The following PDE8A variants were observed in gnomAD, a reference collection of about 807,000 sequenced individuals.
PDE8A encodes high affinity cAMP-specific and IBMX-insensitive 3',5'-cyclic phosphodiesterase 8A.
A neutral mutation model predicts 105.0 loss-of-function variants in PDE8A; 59 were observed. That is an observed-to-expected ratio of 0.56 (90% CI 0.46 to 0.70). The LOEUF (loss-of-function observed/expected upper bound fraction) is 0.70, where lower values mean the gene tolerates loss of function less well. PDE8A is among the 30% of genes least tolerant of loss of function. PDE8A has a pLI of 0.00. For missense variants in PDE8A, 1,014 were observed against 1,045.9 expected (o/e 0.97, Z 0.42); for synonymous variants, 355 against 371.9 (o/e 0.95, Z 0.52).
chr15:85,051,865 A>G lies in PDE8A; in HGVS notation c.187-12505A>G, dbSNP rs565976579. 2.6e-5 allele frequency among the ~76,000 whole-genome samples: 4 copies of G among 152,132 alleles called. No homozygotes were observed. The South Asian group carries it at 8.3e-4, about 32-fold the overall frequency. The stretch of plus-strand genomic sequence containing the variant: ...ACTTTAAGTTCTAGGGTACATGTGC[A>G]CAATGTGCAGGTTTGTTACATATGT... On this transcript the variant is annotated intron_variant, in intron 1 of 21. Transcript: ENST00000394553.
rs1567300210 is a variant in PDE8A, at chr15:85,120,880, C to T, written c.1818C>T (p.Ser606=). 1 of 1,613,974 alleles carries T rather than the reference C, an allele frequency of 6.2e-7. No individual in the cohort carries two copies. The highest frequency in any genetic ancestry group is 8.5e-7 in the Non-Finnish European group (1 of 1,179,792). ...TGGATCACCCTGGGAGAACCAACTC[C>T]TTCCTGTGTAATGCTGGAAGTGAGC... ...HDVDHPGRTN[S]FLCNAGSELA... The change falls in exon 18 of 22, where the codon TCC becomes TCT. Residue 606 remains serine (S), a synonymous_variant. Coordinates refer to ENST00000394553, the MANE Select transcript of PDE8A (RefSeq NM_002605.3).
chr15:85,115,314 G>C lies in PDE8A; in HGVS notation c.1351-125G>C, dbSNP rs896477040. 4.8e-6 allele frequency: 3 copies of C among 631,362 alleles called. No individual in the cohort carries two copies. In the African/African-American group the frequency reaches 5.8e-5, roughly 12 times the overall value. 39.1% of individuals were successfully genotyped at this position (631,362 alleles called of 1,614,324 possible). A position where few individuals can be genotyped will look rare whatever the true frequency, so the allele number is the denominator to read the frequency against. ...CAGGGGTGGACCTGCTGGGCCCAGG[G>C]CAGCCTTGAGTGCATTGGTGGAGAG... On this transcript the variant is annotated intron_variant, in intron 14 of 21. Transcript: ENST00000394553.
At chr15:84,984,049 A>G (rs1458852308) in intron 1 of PDE8A, among the ~76,000 whole-genome samples, 1 of 152,272 alleles carries the variant, frequency 6.6e-6, no homozygotes, top group South Asian at 2.1e-4. Flanking sequence ...GCATACACAT[A>G]GTAGGTACTA....
rs180893808 is a variant in PDE8A at position 85,085,529 on chromosome 15, C to T, written c.635+1885C>T. 5.9e-4 allele frequency among the ~76,000 whole-genome samples: 89 copies of T among 152,044 alleles called. 2 individuals carry two copies. In the East Asian group the frequency reaches 0.014, roughly 24 times the overall value. ...CCTGGCCAACATGGCGAAACCCTGTCTCTATTAAAAATACTAAAATTAGCC... is the reference window on the plus strand; with the variant it reads ...CCTGGCCAACATGGCGAAACCCTGTTTCTATTAAAAATACTAAAATTAGCC... On this transcript the variant is annotated intron_variant, in intron 6 of 21. Transcript: ENST00000394553.
At position 85,024,568 on chromosome 15, in the gene PDE8A, C is replaced by T. The variant is rs199853728; in HGVS notation, c.187-39802C>T. On this transcript the variant is annotated intron_variant, in intron 1 of 21. Coordinates refer to ENST00000394553, the MANE Select transcript of PDE8A (RefSeq NM_002605.3). ...TAGGCTTTTTTTTTTTCTTTTCACC[C>T]TCTATTACTCCTACTGCGTAGGCTT... Among the ~76,000 whole-genome samples the T allele has an allele frequency of 2.0e-5, 3 of 151,748 alleles. No homozygotes were observed. The East Asian group carries it at 5.8e-4, about 29-fold the overall frequency.
At chr15:85,094,267 G>A (rs1250648639) in intron 8 of PDE8A, among the ~76,000 whole-genome samples, 1 of 152,094 alleles carries the variant, frequency 6.6e-6, no homozygotes, top group Non-Finnish European at 1.5e-5. Flanking sequence ...AGATGCCTAA[G>A]ATGATGATGT....
At chr15:85,066,583 A>AACACACACACACACACAC (rs57124766) in intron 2 of PDE8A, among the ~76,000 whole-genome samples, 2 of 116,942 alleles carry the variant, frequency 1.7e-5, no homozygotes, top group African/African-American at 6.2e-5. Context: ...ATCCCCCCAA[A>AACACACACACACACACAC]ACACACACAC....
chr15:85,096,237 T>G (rs2081749992), intron 8 of PDE8A, among the ~76,000 whole-genome samples: 1 of 152,176 alleles, frequency 6.6e-6, no homozygotes, highest in Non-Finnish European at 1.5e-5. Flanking sequence ...TCTCTCTCTT[T>G]TTTTAATGTA....
chr15:85,025,154 G>A (rs1248434199), intron 1 of PDE8A, among the ~76,000 whole-genome samples: 1 of 152,042 alleles, frequency 6.6e-6, no homozygotes. Flanking sequence ...ACATCCTAAG[G>A]CCACCATAAG....
intron 20 of PDE8A, among the ~76,000 whole-genome samples, chr15:85,135,181 G>A (rs1360983576): frequency 6.6e-6 from 1 of 152,126 alleles, no homozygotes; most frequent in Non-Finnish European, 1.5e-5. Context: ...GGCTGTGATG[G>A]GGTGAGCTCT....
intron 1 of PDE8A, among the ~76,000 whole-genome samples, chr15:85,034,274 A>G (rs903783050): frequency 8.5e-5 from 13 of 152,240 alleles, no homozygotes; most frequent in South Asian, 2.1e-4. Context: ...GCATTTTTCT[A>G]TGTTAGAAAT....
intron 1 of PDE8A, among the ~76,000 whole-genome samples, chr15:84,994,698 G>A (rs1369815308): frequency 6.6e-6 from 1 of 152,134 alleles, no homozygotes; most frequent in Admixed American, 6.5e-5. Context: ...CGGGAGCGGT[G>A]GCTCACGCCT....
intron 17 of PDE8A, among the ~76,000 whole-genome samples, chr15:85,119,829 A>C (rs12914674): frequency 0.14 from 21,202 of 152,156 alleles, 1,912 homozygotes; most frequent in Middle Eastern, 0.23. Context: ...CAAAAATGAG[A>C]AGCTTATCTG....
intron 11 of PDE8A, among the ~76,000 whole-genome samples, chr15:85,108,584 A>G (rs565357077): frequency 1.3e-5 from 2 of 152,310 alleles, no homozygotes; most frequent in South Asian, 4.1e-4. Context: ...CTATCATTTG[A>G]AATATACCTC....
intron 1 of PDE8A, among the ~76,000 whole-genome samples, chr15:85,026,590 T>G (rs901832946): frequency 1.3e-5 from 2 of 152,146 alleles, no homozygotes; most frequent in Admixed American, 6.5e-5. Context: ...GAGGTGGAGA[T>G]AGAGAGATGG....
At chr15:84,980,920 AG>A (rs2079696303), upstream of PDE8A, among the ~76,000 whole-genome samples, 3 of 152,282 alleles carry the variant, frequency 2.0e-5, no homozygotes, top group African/African-American at 7.2e-5. Flanking sequence ...GTGGCGCGCC[AG>A]GTTTTGGCCT....
At chr15:85,077,171 A>C (rs2081392155) in intron 5 of PDE8A, among the ~76,000 whole-genome samples, 3 of 152,180 alleles carry the variant, frequency 2.0e-5, no homozygotes, top group African/African-American at 7.2e-5. Context: ...ATTTTCACTA[A>C]AAATTATACC....
chr15:85,071,034 A>C (rs995491366), intron 3 of PDE8A, among the ~76,000 whole-genome samples: 14 of 152,230 alleles, frequency 9.2e-5, no homozygotes, highest in Non-Finnish European at 2.1e-4. Flanking sequence ...AAAATTGACC[A>C]TAGCAATAAT....
chr15:85,118,111 C>T (rs1596536569), intron 17 of PDE8A, among the ~76,000 whole-genome samples: 1 of 152,276 alleles, frequency 6.6e-6, no homozygotes, highest in East Asian at 1.9e-4. Context: ...TAGGGCTATT[C>T]TTCTGGGGGT....
Sources: allele counts gnomAD v4.1 joint callset (sites outside exome capture counted in the v4.1 genomes callset), GRCh38; gene constraint gnomAD v4.1.1; transcripts MANE v1.5; gene names NCBI Gene and HGNC (gene_info 2026-07-23, HGNC 2026-07-21).